The following STT3A variants were observed in gnomAD, a reference collection of about 807,000 sequenced individuals.
STT3A encodes dolichyl-diphosphooligosaccharide--protein glycosyltransferase subunit STT3A.
STT3A carries 34 observed loss-of-function variants against 89.2 expected under a neutral mutation model. The ratio of observed to expected loss-of-function variants is 0.38; its 90% CI spans 0.29 to 0.51. The LOEUF is 0.51. STT3A is among the 20% of genes least tolerant of loss of function. The pLI is 0.89. For missense variants in STT3A, 555 were observed against 889.5 expected (o/e 0.62, Z 4.78); for synonymous variants, 282 against 310.3 (o/e 0.91, Z 0.96).
chr11:125,595,849 A>G (rs552819791), intron 1 of STT3A, 32 bp from the exon 2 acceptor site: 1 of 1,009,122 alleles, frequency 9.9e-7, no homozygotes, highest in African/African-American at 1.6e-5. Flanking sequence ...GAAGGTGTTC[A>G]ATATCTTGTG....
chr11:125,620,226 C>A (rs1940309820), intron 17 of STT3A, 100 bp downstream of exon 17: 1 of 878,058 alleles, frequency 1.1e-6, no homozygotes. Flanking sequence ...AGGGAAATTT[C>A]TCATGACACC....
At chr11:125,620,707 T>G in intron 17 of STT3A, 65 bp from the exon 18 acceptor site, 1 of 1,527,948 alleles carries the variant, frequency 6.5e-7, no homozygotes, top group Non-Finnish European at 9.1e-7. Context: ...TGAATCCATT[T>G]TAGTAGAAAA....
rs1939775375 is a variant in STT3A, at chr11:125,604,329, A to T, written c.508+82A>T. On this transcript the variant is annotated intron_variant, in intron 6 of 17. Transcript: ENST00000392708. Reference sequence around the variant, plus strand: ...CACAAAGTGCAGTCTATGGTTTAGCAATAATAAAAATGGTAACTGGGTGAG... The same window carrying T: ...CACAAAGTGCAGTCTATGGTTTAGCTATAATAAAAATGGTAACTGGGTGAG... 11 of 1,375,760 alleles carry T rather than the reference A, an allele frequency of 8.0e-6. No individual in the cohort carries two copies. In the Admixed American group the frequency reaches 2.1e-4, roughly 26 times the overall value. 85.2% of individuals were successfully genotyped at this position (1,375,760 alleles called of 1,614,324 possible).
chr11:125,607,708 T>C (rs553143824), intron 8 of STT3A, among the ~76,000 whole-genome samples: 30 of 152,340 alleles, frequency 2.0e-4, no homozygotes, highest in Non-Finnish European at 3.8e-4. Flanking sequence ...CAAAGAATGA[T>C]TAAGTGCTAG....
intron 15 of STT3A, among the ~76,000 whole-genome samples, chr11:125,617,393 A>C (rs566729820): frequency 6.6e-6 from 1 of 152,326 alleles, no homozygotes; most frequent in South Asian, 2.1e-4. Context: ...GCTGGAATTC[A>C]AACTTAGGCA....
Position 125,613,059 on chromosome 11 carries a change from C to T in STT3A, c.1436C>T (p.Thr479Ile), listed in dbSNP as rs894836036. ...ITYTFHSTWV[T>I]SEAYSSPSIV... ...TACACCTTTCATTCAACCTGGGTGA[C>T]CAGTGAGGCCTACTCTTCTCCGTCC... The change falls in exon 13 of 18, where the codon ACC becomes ATC. Residue 479 changes from threonine (T) to isoleucine (I), a missense_variant. Thr to Ile is a moderately conservative substitution (Grantham distance 89). Around this residue, in one of 5 missense-constraint regions of STT3A, gnomAD observed 273 missense variants for 449.8 expected, o/e 0.61. Coordinates refer to ENST00000392708, the MANE Select transcript of STT3A (RefSeq NM_152713.5). This position sits in a 1 kb window ranked among gnomAD's most constrained non-coding sequence, Gnocchi z 4.2. The T allele has an allele frequency of 6.2e-7, 1 of 1,613,994 alleles. No homozygotes were observed. The highest frequency in any genetic ancestry group is 1.3e-5 in the African/African-American group (1 of 74,902).
intron 3 of STT3A, among the ~76,000 whole-genome samples, chr11:125,600,386 G>A (rs1394306537): frequency 6.6e-6 from 1 of 151,920 alleles, no homozygotes; most frequent in Admixed American, 6.6e-5. Context: ...TTTTGAGACA[G>A]GGTCTTGCTC....
Position 125,622,932 on chromosome 11 carries a change from C to G in STT3A, c.*2122C>G, listed in dbSNP as rs949630873. Reference sequence around the variant, plus strand: ...TCTCTACTAAAAATACAAAAATTAGCTGGGTGTGGGGTACACACCCTGTAA... The same window carrying G: ...TCTCTACTAAAAATACAAAAATTAGGTGGGTGTGGGGTACACACCCTGTAA... On this transcript the variant is annotated 3_prime_UTR_variant, in exon 18 of 18. Coordinates refer to ENST00000392708, the MANE Select transcript of STT3A (RefSeq NM_152713.5). The G allele has an allele frequency of 1.6e-4, 25 of 152,072 alleles. No individual in the cohort carries two copies. Among genetic ancestry groups the G allele is most frequent in the African/African-American group, 5.8e-4 (24 of 41,386 alleles). 9.4% of individuals were successfully genotyped at this position (152,072 alleles called of 1,614,324 possible).
intron 3 of STT3A, 147 bp from the exon 4 acceptor site, chr11:125,602,156 A>C: frequency 2.2e-6 from 2 of 921,350 alleles, no homozygotes; most frequent in Non-Finnish European, 3.2e-6. Context: ...AGAAGTAAAC[A>C]GACTTATGGT....
chr11:125,612,044 A>T (rs920749192), intron 11 of STT3A, among the ~76,000 whole-genome samples: 1 of 151,612 alleles, frequency 6.6e-6, no homozygotes, highest in African/African-American at 2.4e-5. Flanking sequence ...TACCCAGCTA[A>T]TTTTGTATTT....
upstream of STT3A, chr11:125,592,436 C>T: frequency 2.2e-6 from 1 of 456,254 alleles, no homozygotes; most frequent in Non-Finnish European, 4.4e-6. Context: ...AGACGGGAGA[C>T]GAGCGGCTCC....
intron 15 of STT3A, among the ~76,000 whole-genome samples, chr11:125,615,252 G>C (rs1940143149): frequency 6.6e-6 from 1 of 152,030 alleles, no homozygotes; most frequent in Admixed American, 6.6e-5. Flanking sequence ...GGGCAGCAGA[G>C]TGAAACTGTT....
At chr11:125,592,390 T>C (rs1305290583), upstream of STT3A, 1 of 456,290 alleles carries the variant, frequency 2.2e-6, no homozygotes, top group Admixed American at 2.3e-5. Context: ...TCCTCTCCTT[T>C]CACCTTGTAT....
At chr11:125,618,586 T>C in intron 16 of STT3A, 25 bp downstream of exon 16, 1 of 1,600,896 alleles carries the variant, frequency 6.2e-7, no homozygotes, top group South Asian at 1.1e-5. Flanking sequence ...ATAATATTAA[T>C]AACAGTAGTA....
Position 125,609,734 on chromosome 11 carries a change from T to C in STT3A, c.1117+145T>C, listed in dbSNP as rs193273265. 2.3e-3 allele frequency: 2,016 copies of C among 892,504 alleles called. 15 individuals are homozygous for C. The highest frequency in any genetic ancestry group is 1.2e-3 in the Non-Finnish European group (758 of 621,436). The allele number at this position is 892,504 out of a possible 1,614,324, so 55.3% of individuals were successfully genotyped here. ...GAGGACGGCTAAGCAAATTTTCTCATGTATGAAGCTGAGCAGAAGTCAGAA... is the reference window on the plus strand; with the variant it reads ...GAGGACGGCTAAGCAAATTTTCTCACGTATGAAGCTGAGCAGAAGTCAGAA... On this transcript the variant is annotated intron_variant, in intron 10 of 17. Coordinates refer to ENST00000392708, the MANE Select transcript of STT3A (RefSeq NM_152713.5).
chr11:125,594,595 A>AG (rs1162560813), intron 1 of STT3A, among the ~76,000 whole-genome samples: 3 of 151,664 alleles, frequency 2.0e-5, no homozygotes, highest in Non-Finnish European at 4.4e-5. Context: ...AAAAAAAAAA[A>AG]AAAAAAAGAT....
chr11:125,609,286 A>T, intron 9 of STT3A, 148 bp from the exon 10 acceptor site: 1 of 926,900 alleles, frequency 1.1e-6, no homozygotes, highest in South Asian at 2.2e-5. Context: ...GAAGGAGTGA[A>T]ACTCTCTAAG....
Position 125,614,248 on chromosome 11 carries a change from A to T in STT3A, c.1671+45A>T. The stretch of plus-strand genomic sequence containing the variant: ...TTTGAGTGTTTGGTGTACAAGGTCT[A>T]ATGGGAAATGTGTCTGCATGAGGGG... On this transcript the variant is annotated intron_variant, in intron 14 of 17. Transcript: ENST00000392708. This position sits in a 1 kb window ranked among gnomAD's most constrained non-coding sequence, Gnocchi z 4.9. The T allele has an allele frequency of 6.2e-7, 1 of 1,612,156 alleles. No homozygotes were observed. Among genetic ancestry groups the T allele is most frequent in the Non-Finnish European group, 8.5e-7 (1 of 1,178,258 alleles).
intron 8 of STT3A, 50 bp from the exon 9 acceptor site, chr11:125,608,058 CT>C: frequency 1.3e-6 from 2 of 1,525,010 alleles, no homozygotes; most frequent in Non-Finnish European, 1.8e-6. Flanking sequence ...CTGCACTGGA[CT>C]TACTCATTTT....
Sources: allele counts gnomAD v4.1 joint callset (sites outside exome capture counted in the v4.1 genomes callset), GRCh38; gene constraint gnomAD v4.1.1; regional missense constraint gnomAD v4.1.1; non-coding constraint Gnocchi (gnomAD v3.1); transcripts MANE v1.5; gene names NCBI Gene and HGNC (gene_info 2026-07-23, HGNC 2026-07-21).